ATAD2: variants seen among roughly 807,000 people sequenced by gnomAD.
ATAD2 encodes ATPase family AAA domain containing 2.
In ATAD2, 62 loss-of-function variants were observed where a neutral mutation model predicts 168.9. That is an observed-to-expected ratio of 0.37 (90% CI 0.30 to 0.45). ATAD2 has a LOEUF of 0.45. Among genes scored for constraint, ATAD2 ranks in the 20% least tolerant of loss-of-function variants. The pLI is 1.00. For synonymous variants in ATAD2, 613 were observed against 571.6 expected (o/e 1.07, Z -1.03); for missense variants, 1,419 against 1,667.8 (o/e 0.85, Z 2.60).
chr8:123,338,224 G>A lies in ATAD2; in HGVS notation c.2855-403C>T, dbSNP rs185305991. The stretch of plus-strand genomic sequence containing the variant: ...ACAAAAAATTAGCTGGCGTGGTGGC[G>A]TGCGCCTGTAGTCCTACCTACTCAG... On this transcript the variant is annotated intron_variant, in intron 20 of 27. Transcript: ENST00000287394. 1.5e-4 allele frequency among the ~76,000 whole-genome samples: 23 copies of A among 152,174 alleles called. No homozygotes were observed. In the East Asian group the frequency reaches 2.7e-3, roughly 18 times the overall value.
At chr8:123,362,414 CT>C (rs561886419) in intron 8 of ATAD2, among the ~76,000 whole-genome samples, 1,869 of 143,524 alleles carry the variant, frequency 0.013, 39 homozygotes, top group African/African-American at 0.041. Flanking sequence ...AATCAAATAA[CT>C]TTTTTTTTTT....
chr8:123,346,332 A>G (rs1398370187), intron 17 of ATAD2, 60 bp from the exon 18 acceptor site: 4 of 1,430,570 alleles, frequency 2.8e-6, no homozygotes, highest in East Asian at 2.4e-5. Context: ...TTTTCCCCCT[A>G]AATTGTCAAC....
At chr8:123,394,635 G>C (rs767658016) in intron 1 of ATAD2, among the ~76,000 whole-genome samples, 6 of 149,996 alleles carry the variant, frequency 4.0e-5, no homozygotes, top group Non-Finnish European at 7.4e-5. Flanking sequence ...ACTCTGTCTC[G>C]AAGAAAAAAA....
intron 7 of ATAD2, 38 bp from the exon 8 acceptor site, chr8:123,369,213 A>G: frequency 1.3e-6 from 1 of 744,244 alleles, no homozygotes; most frequent in Non-Finnish European, 1.8e-6. Flanking sequence ...TTGTATATAT[A>G]TATATATATG....
intron 19 of ATAD2, among the ~76,000 whole-genome samples, chr8:123,342,990 T>C (rs1200503599): frequency 6.8e-6 from 1 of 147,798 alleles, no homozygotes; most frequent in Admixed American, 6.8e-5. Flanking sequence ...TCATCATCAT[T>C]TTTTTTTTTT....
At position 123,330,928 on chromosome 8, in the gene ATAD2, C is replaced by G. The variant is rs548900807; in HGVS notation, c.3479-2349G>C. On this transcript the variant is annotated intron_variant, in intron 24 of 27. Transcript: ENST00000287394. Reference sequence around the variant, plus strand: ...AACAGCTTCAAAATTTCCTTCTTTTCTTTCTTTATTTTTTGAGACAGTCTC... The same window carrying G: ...AACAGCTTCAAAATTTCCTTCTTTTGTTTCTTTATTTTTTGAGACAGTCTC... Among the ~76,000 whole-genome samples the G allele has an allele frequency of 2.0e-5, 3 of 152,230 alleles. No individual in the cohort carries two copies. The East Asian group carries it at 5.8e-4, about 29-fold the overall frequency.
chr8:123,398,419 T>G (rs558496762), upstream of ATAD2, among the ~76,000 whole-genome samples: 1 of 151,700 alleles, frequency 6.6e-6, no homozygotes, highest in African/African-American at 2.4e-5. Flanking sequence ...TTAGTAGAGA[T>G]GGGGTCTTAC....
chr8:123,394,137 G>A (rs888518198), intron 1 of ATAD2, among the ~76,000 whole-genome samples: 1 of 150,534 alleles, frequency 6.6e-6, no homozygotes, highest in Non-Finnish European at 1.5e-5. Flanking sequence ...TAAAACTGAC[G>A]ATGGTCTTAA....
chr8:123,325,096 ATTC>A (rs1827573272), intron 26 of ATAD2, among the ~76,000 whole-genome samples: 1 of 141,662 alleles, frequency 7.1e-6, no homozygotes, highest in African/African-American at 2.7e-5. Flanking sequence ...AATAGTAATA[ATTC>A]TTTTTTTTTT....
chr8:123,406,427 C>A (rs1263417799), intron 1 of ATAD2, among the ~76,000 whole-genome samples: 10 of 137,764 alleles, frequency 7.3e-5, no homozygotes, highest in African/African-American at 2.5e-4. Context: ...AAAAAAAAAA[C>A]TAAGCAAAGA....
chr8:123,410,310 G>T (rs1813135841), intron 1 of ATAD2, among the ~76,000 whole-genome samples: 1 of 151,834 alleles, frequency 6.6e-6, no homozygotes, highest in South Asian at 2.1e-4. Context: ...TTTATTAGCA[G>T]AATTTTGCTC....
chr8:123,391,172 A>G (rs533047164), intron 1 of ATAD2, among the ~76,000 whole-genome samples: 4 of 152,218 alleles, frequency 2.6e-5, no homozygotes, highest in African/African-American at 9.6e-5. Context: ...CAAAGAAAGT[A>G]CAGAAATAGA....
intron 22 of ATAD2, among the ~76,000 whole-genome samples, chr8:123,336,039 A>G (rs1563836184): frequency 6.6e-6 from 1 of 152,178 alleles, no homozygotes; most frequent in Non-Finnish European, 1.5e-5. Context: ...CAGAGTGCCT[A>G]CTTTTCCACT....
Position 123,328,185 on chromosome 8 carries a change from CG to C in ATAD2, c.3868+4del. 1 of 1,365,242 alleles carries C rather than the reference CG, an allele frequency of 7.3e-7. No homozygotes were observed. Among genetic ancestry groups the C allele is most frequent in the African/African-American group, 1.5e-5 (1 of 67,134 alleles). 84.6% of individuals were successfully genotyped at this position (1,365,242 alleles called of 1,614,324 possible). ...AGTAAATTATTTTAATTGAAAAAGA[CG>C]TACCTTTTCCTTCATTTTCATCAGA... On this transcript the variant is annotated splice_donor_region_variant and intron_variant, in intron 25 of 27. Transcript: ENST00000287394.
At position 123,322,972 on chromosome 8, in the gene ATAD2, T is replaced by C. The variant is rs767365521; in HGVS notation, c.4097A>G (p.His1366Arg). Reference protein sequence around the residue: ...YAVISQCIYRHRKDHDKTSLI... With the variant: ...YAVISQCIYRRRKDHDKTSLI... ...TGATGTTTTATCATGGTCCTTGCGA[T>C]GCCGATAAATACATTGGCTGATTAC... is the stretch of plus-strand genomic sequence containing the variant. The change falls in exon 27 of 28, where the codon CAT becomes CGT. Residue 1366 changes from histidine to arginine, a missense_variant. Transcript: ENST00000287394. 1.1e-5 allele frequency: 18 copies of C among 1,613,854 alleles called. No homozygotes were observed. Among genetic ancestry groups the C allele is most frequent in the Non-Finnish European group, 1.5e-5 (18 of 1,179,932 alleles).
chr8:123,323,117 C>T (rs987680667), intron 26 of ATAD2, 51 bp from the exon 27 acceptor site: 7 of 1,538,638 alleles, frequency 4.5e-6, no homozygotes, highest in South Asian at 2.4e-5. Flanking sequence ...CTTCCTCAGA[C>T]AAGATACTTA....
At chr8:123,330,053 T>G (rs1454820730) in intron 24 of ATAD2, among the ~76,000 whole-genome samples, 2 of 139,302 alleles carry the variant, frequency 1.4e-5, no homozygotes, top group Non-Finnish European at 3.1e-5. Flanking sequence ...TGTGGCATAA[T>G]CAATAGCTCA....
In ATAD2 at chr8:123,353,756, T is replaced by C. The variant is rs189952907; in HGVS notation, c.1646+2633A>G. On this transcript the variant is annotated intron_variant, in intron 13 of 27. Transcript: ENST00000287394. ...TGTTTAAAGTGTCCAGAGTTAGGAT[T>C]TTTTTTTTCTTTAAACAAAACAAAA... 3.2e-3 allele frequency among the ~76,000 whole-genome samples: 491 copies of C among 151,738 alleles called. 2 individuals are homozygous for C. Among genetic ancestry groups the C allele is most frequent in the Middle Eastern group, 0.014 (4 of 292 alleles).
intron 19 of ATAD2, chr8:123,344,562 T>C: frequency 3.8e-6 from 1 of 260,664 alleles, no homozygotes; most frequent in East Asian, 1.0e-4. Flanking sequence ...TTAGCCAGGA[T>C]GGTCTCAATC....
Sources: allele counts gnomAD v4.1 joint callset (sites outside exome capture counted in the v4.1 genomes callset), GRCh38; gene constraint gnomAD v4.1.1; transcripts MANE v1.5; gene names NCBI Gene and HGNC (gene_info 2026-07-23, HGNC 2026-07-21).